Variants in ARL15 observed in about 807,000 individuals in gnomAD.
ARL15 encodes ADP-ribosylation factor-like protein 15.
ARL15 carries 19 observed loss-of-function variants against 25.2 expected under a neutral mutation model. The observed-to-expected ratio is 0.75, with a 90% CI of 0.53 to 1.10. The LOEUF is 1.10. ARL15 is among the 50% of genes least tolerant of loss of function. The pLI, the probability that ARL15 is intolerant of heterozygous loss-of-function variation, is 0.00. For synonymous variants in ARL15, 94 were observed against 86.8 expected (o/e 1.08, Z -0.46); for missense variants, 220 against 246.0 (o/e 0.89, Z 0.71).
At position 54,130,411 on chromosome 5, in the gene ARL15, T is replaced by C. The variant is rs183485996; in HGVS notation, c.254-17001A>G. 1.5e-3 allele frequency among the ~76,000 whole-genome samples: 236 copies of C among 152,356 alleles called. 1 individual carries two copies. The highest frequency in any genetic ancestry group is 5.0e-3 in the Admixed American group (77 of 15,304). On this transcript the variant is annotated intron_variant, in intron 3 of 4. Coordinates refer to ENST00000504924, the MANE Select transcript of ARL15 (RefSeq NM_019087.3). ...ATCATTAAATTATGATATTTTGCTA[T>C]TGAAACTTAATTCTTTAATCAAGGA...
At chr5:54,236,292 G>C (rs147162622) in intron 1 of ARL15, among the ~76,000 whole-genome samples, 176 of 152,214 alleles carry the variant, frequency 1.2e-3, no homozygotes, top group African/African-American at 4.0e-3. Context: ...CTAGCTTTGA[G>C]TTTTTATAGA....
chr5:54,094,250 A>T (rs930749710), intron 4 of ARL15, among the ~76,000 whole-genome samples: 1 of 152,208 alleles, frequency 6.6e-6, no homozygotes, highest in African/African-American at 2.4e-5. Flanking sequence ...AAAAATTGCC[A>T]TATTTTCCCA....
intron 1 of ARL15, among the ~76,000 whole-genome samples, chr5:54,250,473 G>T (rs745730095): frequency 7.9e-5 from 12 of 152,218 alleles, no homozygotes; most frequent in Non-Finnish European, 1.8e-4. Flanking sequence ...ATGATGATGA[G>T]AAGCAAGTTT....
chr5:53,899,347 C>CAAAAAAAAAAAAAAAAAAA (rs59145507), intron 4 of ARL15, among the ~76,000 whole-genome samples: 1 of 89,396 alleles, frequency 1.1e-5, no homozygotes, highest in African/African-American at 5.5e-5. Flanking sequence ...GACTCTATCC[C>CAAAAAAAAAAAAAAAAAAA]AAAAAAAAAA....
intron 1 of ARL15, among the ~76,000 whole-genome samples, chr5:54,243,745 T>C (rs1250375938): frequency 6.6e-6 from 1 of 152,238 alleles, no homozygotes; most frequent in Non-Finnish European, 1.5e-5. Flanking sequence ...ACAAATTTTG[T>C]GTGTAATCTC....
chr5:53,894,202 C>A (rs993985334), intron 4 of ARL15, among the ~76,000 whole-genome samples: 1 of 152,180 alleles, frequency 6.6e-6, no homozygotes, highest in South Asian at 2.1e-4. Flanking sequence ...TTCAGTGCAG[C>A]CTACCTGAAT....
intron 4 of ARL15, among the ~76,000 whole-genome samples, chr5:53,888,488 T>TA (rs1744609970): frequency 6.6e-6 from 1 of 152,122 alleles, no homozygotes; most frequent in Admixed American, 6.6e-5. Context: ...CTAACCATGT[T>TA]GCCTAGGGTG....
At chr5:54,271,236 C>T (rs1757775747) in intron 1 of ARL15, among the ~76,000 whole-genome samples, 1 of 152,134 alleles carries the variant, frequency 6.6e-6, no homozygotes, top group Non-Finnish European at 1.5e-5. Flanking sequence ...ATCACATAAG[C>T]TAATTCCCCT....
At chr5:54,077,395 G>T (rs1295450485) in intron 4 of ARL15, among the ~76,000 whole-genome samples, 1 of 152,170 alleles carries the variant, frequency 6.6e-6, no homozygotes, top group African/African-American at 2.4e-5. Context: ...TCACTAGAGA[G>T]ATTATAGCAG....
At chr5:54,058,865 G>A (rs895618129) in intron 4 of ARL15, among the ~76,000 whole-genome samples, 2 of 152,184 alleles carry the variant, frequency 1.3e-5, no homozygotes, top group African/African-American at 4.8e-5. Context: ...AGCACATAGA[G>A]GAGCAAGGCG....
intron 1 of ARL15, among the ~76,000 whole-genome samples, chr5:54,190,013 T>C (rs1320200071): frequency 6.6e-6 from 1 of 152,158 alleles, no homozygotes; most frequent in African/African-American, 2.4e-5. Flanking sequence ...TGAAAAGACA[T>C]TCCTCCAAAG....
At chr5:54,211,438 T>C (rs1756037798) in intron 1 of ARL15, among the ~76,000 whole-genome samples, 1 of 151,952 alleles carries the variant, frequency 6.6e-6, no homozygotes, top group Non-Finnish European at 1.5e-5. Flanking sequence ...AGAGCTGACA[T>C]TAGTTTTAGG....
chr5:53,923,475 C>T (rs1745920500), intron 4 of ARL15, among the ~76,000 whole-genome samples: 1 of 152,006 alleles, frequency 6.6e-6, no homozygotes, highest in Non-Finnish European at 1.5e-5. Context: ...TGTATAATTG[C>T]TGGATGTTGT....
intron 4 of ARL15, among the ~76,000 whole-genome samples, chr5:53,998,283 G>GAAAAAAAAA (rs11287179): frequency 8.6e-6 from 1 of 116,564 alleles, no homozygotes. Context: ...GGGACATCAG[G>GAAAAAAAAA]AAAAAAAAAA....
At chr5:54,084,432 A>G in intron 4 of ARL15, among the ~76,000 whole-genome samples, 1 of 151,818 alleles carries the variant, frequency 6.6e-6, no homozygotes, top group East Asian at 1.9e-4. Context: ...TTCAAAAAAA[A>G]AAAAAAGAGA....
chr5:54,199,340 T>C (rs2112478043), intron 1 of ARL15, among the ~76,000 whole-genome samples: 1 of 151,736 alleles, frequency 6.6e-6, no homozygotes, highest in East Asian at 1.9e-4. Flanking sequence ...CAAAAGAAAC[T>C]ACCATCAGAG....
intron 1 of ARL15, among the ~76,000 whole-genome samples, chr5:54,180,942 G>A (rs921454304): frequency 5.9e-5 from 9 of 152,128 alleles, no homozygotes; most frequent in African/African-American, 1.4e-4. Flanking sequence ...GTGCTGCTGC[G>A]CTGAACCAGA....
At chr5:53,966,210 A>T (rs931489304) in intron 4 of ARL15, among the ~76,000 whole-genome samples, 3 of 152,124 alleles carry the variant, frequency 2.0e-5, no homozygotes, top group Non-Finnish European at 4.4e-5. Context: ...GGTTTAAACA[A>T]TCATTCCTCC....
At chr5:54,294,589 C>G (rs781750019) in intron 1 of ARL15, among the ~76,000 whole-genome samples, 27 of 152,346 alleles carry the variant, frequency 1.8e-4, no homozygotes, top group Non-Finnish European at 1.5e-4. Context: ...TAAAACCTGA[C>G]AGATCCTTGT....
Sources: allele counts gnomAD v4.1 joint callset (sites outside exome capture counted in the v4.1 genomes callset), GRCh38; gene constraint gnomAD v4.1.1; transcripts MANE v1.5; gene names NCBI Gene and HGNC (gene_info 2026-07-23, HGNC 2026-07-21).